The following PHF21A variants were observed in gnomAD, a reference collection of about 807,000 sequenced individuals.
The protein encoded by PHF21A is BHC80a.
Under a neutral mutation model 82.5 loss-of-function variants are expected in PHF21A, and 11 were observed. The ratio of observed to expected loss-of-function variants is 0.13; its 90% CI spans 0.08 to 0.22. The LOEUF is 0.22. PHF21A is among the 10% of genes least tolerant of loss of function. PHF21A has a pLI of 1.00. For synonymous variants in PHF21A, 297 were observed against 302.8 expected, an observed-to-expected ratio of 0.98 and a Z score of 0.20; for missense variants, 579 against 837.8, an observed-to-expected ratio of 0.69 and a Z score of 3.81.
chr11:45,987,863 A>C lies in PHF21A; in HGVS notation c.154-7897T>G, dbSNP rs534454946. Reference sequence around the variant, plus strand: ...ATTACATGGCTGTATCCCACAACCTAAAGGCAGCACTGCTTTGTTAATATC... The same window carrying C: ...ATTACATGGCTGTATCCCACAACCTCAAGGCAGCACTGCTTTGTTAATATC... On this transcript the variant is annotated intron_variant, in intron 6 of 18. Coordinates refer to ENST00000676320, the MANE Select transcript of PHF21A (RefSeq NM_001352027.3). Among the ~76,000 whole-genome samples, 34 of 152,192 alleles carry C rather than the reference A, an allele frequency of 2.2e-4. No individual in the cohort carries two copies. In the South Asian group the frequency reaches 6.7e-3, roughly 30 times the overall value.
intron 1 of PHF21A, among the ~76,000 whole-genome samples, chr11:46,100,176 A>T (rs1024683768): frequency 2.0e-5 from 3 of 152,194 alleles, no homozygotes; most frequent in African/African-American, 7.2e-5. Context: ...GACCTCAAAA[A>T]GAAGTTGTTT....
intron 9 of PHF21A, 149 bp downstream of exon 9, chr11:45,969,666 T>G: frequency 1.7e-6 from 1 of 584,182 alleles, no homozygotes; most frequent in Non-Finnish European, 3.1e-6. Flanking sequence ...AATAAACTTC[T>G]TCATAGTACA....
chr11:45,968,169 A>G (rs989257302), intron 9 of PHF21A, among the ~76,000 whole-genome samples: 7 of 152,232 alleles, frequency 4.6e-5, no homozygotes, highest in Admixed American at 2.6e-4. Context: ...CATTATTGAC[A>G]ATGTCTTAAC....
At chr11:45,964,624 G>C (rs531892898) in intron 10 of PHF21A, among the ~76,000 whole-genome samples, 52 of 152,260 alleles carry the variant, frequency 3.4e-4, no homozygotes, top group African/African-American at 1.2e-3. Flanking sequence ...CTCATCACTA[G>C]TCGTTTTTCA....
At chr11:45,974,514 C>T (rs562893629) in intron 7 of PHF21A, among the ~76,000 whole-genome samples, 12 of 151,970 alleles carry the variant, frequency 7.9e-5, no homozygotes, top group African/African-American at 1.4e-4. Flanking sequence ...AGTGCAGTGG[C>T]GTAATCACAG....
chr11:46,068,944 A>G (rs1326821084), intron 6 of PHF21A, among the ~76,000 whole-genome samples: 3 of 152,180 alleles, frequency 2.0e-5, no homozygotes, highest in East Asian at 1.9e-4. Flanking sequence ...TTATTAAAGT[A>G]TAAGTTACTC....
At chr11:46,118,692 C>T (rs1048035962) in intron 1 of PHF21A, 3 of 151,990 alleles carry the variant, frequency 2.0e-5, no homozygotes, top group Non-Finnish European at 2.9e-5. Flanking sequence ...CCCACAACAC[C>T]GATTCCATAA....
chr11:45,994,761 C>T (rs577431618), intron 6 of PHF21A, among the ~76,000 whole-genome samples: 1 of 152,202 alleles, frequency 6.6e-6, no homozygotes, highest in Non-Finnish European at 1.5e-5. Context: ...CAACCCAGCT[C>T]GCTTAGCTTA....
rs770021049 is a variant in PHF21A, at chr11:45,971,335, T to C, written c.393A>G (p.Thr131=). The part of the protein sequence containing the change: ...KTVTTASMIT[T]KTLPLVLKAA... Reference sequence around the variant, plus strand: ...CTTTCAAGACGAGAGGTAGTGTCTTTGTGGTAATCATAGAAGCTGTAGTTA... The same window carrying C: ...CTTTCAAGACGAGAGGTAGTGTCTTCGTGGTAATCATAGAAGCTGTAGTTA... Residue 131 remains threonine, a synonymous_variant, in exon 8 of 19, where the codon ACA becomes ACG. Coordinates refer to ENST00000676320, the MANE Select transcript of PHF21A (RefSeq NM_001352027.3). 34 of 1,614,072 alleles carry C rather than the reference T, an allele frequency of 2.1e-5. No individual in the cohort carries two copies. The highest frequency in any genetic ancestry group is 2.5e-5 in the Non-Finnish European group (30 of 1,180,030).
chr11:46,031,616 T>C (rs903018385), intron 6 of PHF21A, among the ~76,000 whole-genome samples: 1 of 152,244 alleles, frequency 6.6e-6, no homozygotes, highest in African/African-American at 2.4e-5. Flanking sequence ...TAGGCAGTTA[T>C]GTAATTTACA....
chr11:45,981,407 A>C (rs1415377494), intron 6 of PHF21A, among the ~76,000 whole-genome samples: 3 of 151,114 alleles, frequency 2.0e-5, no homozygotes, highest in Admixed American at 6.6e-5. Context: ...AAAAAAAAAA[A>C]AAAAAAAAAA....
chr11:45,987,919 C>T (rs79610670), intron 6 of PHF21A, among the ~76,000 whole-genome samples: 214 of 152,224 alleles, frequency 1.4e-3, no homozygotes, highest in African/African-American at 4.8e-3. Flanking sequence ...AGAAATTCTC[C>T]CATTCCTCTG....
intron 6 of PHF21A, among the ~76,000 whole-genome samples, chr11:46,070,442 C>T (rs6416136): frequency 0.9 from 137,176 of 152,076 alleles, 62,031 homozygotes; most frequent in East Asian, 1. Context: ...GCAATTCTCC[C>T]GCCTCAGCCT....
At chr11:46,040,338 T>C (rs191075459) in intron 6 of PHF21A, among the ~76,000 whole-genome samples, 8 of 152,320 alleles carry the variant, frequency 5.3e-5, no homozygotes, top group Admixed American at 2.0e-4. Context: ...ACACTACTGG[T>C]AGTTATAAAC....
At chr11:46,012,245 T>C (rs1336260486) in intron 6 of PHF21A, among the ~76,000 whole-genome samples, 2 of 152,214 alleles carry the variant, frequency 1.3e-5, no homozygotes, top group Non-Finnish European at 2.9e-5. Flanking sequence ...CTGACCTCTT[T>C]GTGCAGCTGC....
chr11:46,099,104 C>A (rs945106217), intron 1 of PHF21A, among the ~76,000 whole-genome samples: 1 of 152,104 alleles, frequency 6.6e-6, no homozygotes, highest in Non-Finnish European at 1.5e-5. Flanking sequence ...TCAACATACA[C>A]AGAAGAAATT....
intron 6 of PHF21A, among the ~76,000 whole-genome samples, chr11:45,985,402 A>T (rs749833352): frequency 1.3e-5 from 2 of 152,220 alleles, no homozygotes; most frequent in Non-Finnish European, 2.9e-5. Flanking sequence ...TGAAGATTTC[A>T]CCATTTTATG....
chr11:46,079,381 G>A (rs2096763229), intron 4 of PHF21A, among the ~76,000 whole-genome samples: 1 of 152,140 alleles, frequency 6.6e-6, no homozygotes. Context: ...TATTTGAAAT[G>A]AAAAAGTGCC....
In PHF21A at chr11:45,932,254, G is replaced by A. The variant is rs1192320551; in HGVS notation, c.*1714C>T. 1.3e-5 allele frequency: 2 copies of A among 152,266 alleles called. No homozygotes were observed. Among genetic ancestry groups the A allele is most frequent in the African/African-American group, 4.8e-5 (2 of 41,464 alleles). The allele number at this position is 152,266 out of a possible 1,614,324, so 9.4% of individuals were successfully genotyped here. A position where few individuals can be genotyped will look rare whatever the true frequency, so the allele number is the denominator to read the frequency against. ...TCCCCCAGGCACTCATAATGCTGGTGGCTGAAAGACCAAAAGCAGCACCAA... is the reference window on the plus strand; with the variant it reads ...TCCCCCAGGCACTCATAATGCTGGTAGCTGAAAGACCAAAAGCAGCACCAA... On this transcript the variant is annotated 3_prime_UTR_variant, in exon 19 of 19. Transcript: ENST00000676320. The surrounding 1 kb of genome is among the most constrained non-coding windows in gnomAD (Gnocchi z 4.3).
Sources: allele counts gnomAD v4.1 joint callset (sites outside exome capture counted in the v4.1 genomes callset), GRCh38; gene constraint gnomAD v4.1.1; non-coding constraint Gnocchi (gnomAD v3.1); transcripts MANE v1.5; gene names NCBI Gene and HGNC (gene_info 2026-07-23, HGNC 2026-07-21).